Variants in ERC2 observed in about 807,000 individuals in gnomAD.
ERC2 encodes ERC protein 2.
ERC2 carries 42 observed loss-of-function variants against 114.8 expected under a neutral mutation model. The ratio of observed to expected loss-of-function variants is 0.37; its 90% CI spans 0.29 to 0.47. ERC2 has a LOEUF of 0.47. Among genes scored for constraint, ERC2 ranks in the 20% least tolerant of loss-of-function variants. The probability of loss-of-function intolerance (pLI) is 0.99; values close to 1 mark genes in which losing one functional copy is unlikely to be tolerated. For missense variants in ERC2, 939 were observed against 1,150.7 expected, an observed-to-expected ratio of 0.82 and a Z score of 2.66; for synonymous variants, 454 against 425.5, an observed-to-expected ratio of 1.07 and a Z score of -0.82.
intron 3 of ERC2, among the ~76,000 whole-genome samples, chr3:56,175,927 G>GT (rs544033646): frequency 7.3e-5 from 11 of 150,556 alleles, no homozygotes; most frequent in African/African-American, 2.7e-4. Context: ...CAATGTGATG[G>GT]TTTTTTTCCA....
intron 17 of ERC2, among the ~76,000 whole-genome samples, chr3:55,640,084 A>G (rs2060114152): frequency 6.6e-6 from 1 of 152,154 alleles, no homozygotes; most frequent in Non-Finnish European, 1.5e-5. Context: ...GCCACAATTC[A>G]CACGTCCTGT....
chr3:56,020,753 C>G (rs952251271), intron 7 of ERC2, among the ~76,000 whole-genome samples: 2 of 152,172 alleles, frequency 1.3e-5, no homozygotes, highest in South Asian at 2.1e-4. Flanking sequence ...CCCTGGCAGA[C>G]AGTGCCCTGG....
intron 3 of ERC2, among the ~76,000 whole-genome samples, chr3:56,205,129 A>C (rs1300748977): frequency 6.6e-6 from 1 of 152,152 alleles, no homozygotes; most frequent in Non-Finnish European, 1.5e-5. Context: ...AAGCAGACCC[A>C]GTCCTTACTA....
intron 14 of ERC2, among the ~76,000 whole-genome samples, chr3:55,814,454 G>A (rs2059834803): frequency 6.6e-6 from 1 of 152,198 alleles, no homozygotes; most frequent in South Asian, 2.1e-4. Context: ...TTGCTCTGCT[G>A]TACTGCATTT....
At position 56,285,161 on chromosome 3, in the gene ERC2, G is replaced by C. The variant is rs971128502; in HGVS notation, c.1074+10858C>G. On this transcript the variant is annotated intron_variant, in intron 3 of 17. Transcript: ENST00000288221. ...GTTAAATCCCCTGGAGTCAGACTCC[G>C]GGTGAAGAAGTCTCCTGATCTGGGC... Among the ~76,000 whole-genome samples, 3 of 146,610 alleles carry C rather than the reference G, an allele frequency of 2.0e-5. No individual in the cohort carries two copies. The Admixed American group carries it at 2.1e-4, about 10-fold the overall frequency.
At chr3:55,816,833 T>C (rs1269002650) in intron 14 of ERC2, among the ~76,000 whole-genome samples, 4 of 152,058 alleles carry the variant, frequency 2.6e-5, no homozygotes, top group Admixed American at 1.3e-4. Context: ...TCCTGTAGGT[T>C]GCTATGGACA....
chr3:56,159,290 A>T (rs2081926488), intron 4 of ERC2, among the ~76,000 whole-genome samples: 1 of 152,156 alleles, frequency 6.6e-6, no homozygotes, highest in Non-Finnish European at 1.5e-5. Context: ...TTGGTATTTC[A>T]TTATAGAAAT....
intron 17 of ERC2, among the ~76,000 whole-genome samples, chr3:55,547,611 C>T (rs940297247): frequency 2.6e-5 from 4 of 152,108 alleles, no homozygotes; most frequent in African/African-American, 4.8e-5. Context: ...AACCCCCAGC[C>T]GTAGGAGAGC....
intron 3 of ERC2, among the ~76,000 whole-genome samples, chr3:56,233,049 T>C (rs1326011182): frequency 2.0e-5 from 3 of 152,194 alleles, no homozygotes; most frequent in Non-Finnish European, 2.9e-5. Context: ...TACTTGTTTA[T>C]CTGGTTGTTT....
chr3:56,079,478 A>G (rs1344384742), intron 7 of ERC2, among the ~76,000 whole-genome samples: 1 of 152,170 alleles, frequency 6.6e-6, no homozygotes, highest in East Asian at 1.9e-4. Flanking sequence ...TGACTGATGT[A>G]GTCTGAGCAA....
intron 14 of ERC2, among the ~76,000 whole-genome samples, chr3:55,737,050 G>T (rs756235835): frequency 6.6e-6 from 1 of 152,086 alleles, no homozygotes; most frequent in African/African-American, 2.4e-5. Flanking sequence ...CGCACACAAG[G>T]CCCAGGACTA....
At chr3:55,551,015 C>CA (rs368001324) in intron 17 of ERC2, among the ~76,000 whole-genome samples, 8,487 of 76,382 alleles carry the variant, frequency 0.11, 331 homozygotes, top group Middle Eastern at 0.17. Flanking sequence ...GACTCCGTCT[C>CA]AAAAAAAAAA....
chr3:55,779,965 A>T (rs958869012), intron 14 of ERC2, among the ~76,000 whole-genome samples: 35 of 152,310 alleles, frequency 2.3e-4, no homozygotes, highest in African/African-American at 8.4e-4. Context: ...TTTAGAAGAA[A>T]ATGTTCATGA....
intron 2 of ERC2, among the ~76,000 whole-genome samples, chr3:56,303,081 G>C (rs1040637265): frequency 6.6e-6 from 1 of 152,186 alleles, no homozygotes; most frequent in Non-Finnish European, 1.5e-5. Context: ...CCAGTTGTCT[G>C]CAAAGATTCA....
chr3:55,655,841 G>A lies in ERC2; in HGVS notation c.*39+27953C>T, dbSNP rs145808298. On this transcript the variant is annotated intron_variant, in intron 17 of 17. Transcript: ENST00000288221. Reference sequence around the variant, plus strand: ...GAAGAGAGCCACTAACAGCTAATGAGTGCAACCACGTCAGGTGCCCTGCTA... The same window carrying A: ...GAAGAGAGCCACTAACAGCTAATGAATGCAACCACGTCAGGTGCCCTGCTA... Among the ~76,000 whole-genome samples, 757 of 152,344 alleles carry A rather than the reference G, an allele frequency of 5.0e-3. 5 individuals carry two copies. Among genetic ancestry groups the A allele is most frequent in the African/African-American group, 0.018 (737 of 41,572 alleles).
At chr3:55,527,317 T>TG (rs897720516) in intron 17 of ERC2, among the ~76,000 whole-genome samples, 2 of 152,146 alleles carry the variant, frequency 1.3e-5, no homozygotes, top group African/African-American at 4.8e-5. Flanking sequence ...TAGTGCTTAG[T>TG]GGGGGGCCTC....
chr3:55,737,373 ACAG>A (rs1201955270), intron 14 of ERC2, among the ~76,000 whole-genome samples: 2 of 152,332 alleles, frequency 1.3e-5, no homozygotes, highest in East Asian at 1.9e-4. Context: ...CCTTTGGATA[ACAG>A]CTGAGACAAT....
chr3:56,372,661 G>C (rs563627268), intron 2 of ERC2, among the ~76,000 whole-genome samples: 1 of 152,196 alleles, frequency 6.6e-6, no homozygotes, highest in African/African-American at 2.4e-5. Flanking sequence ...CCAGGAGGTG[G>C]AGGTTGCAGT....
intron 10 of ERC2, among the ~76,000 whole-genome samples, chr3:55,995,444 CT>C (rs2071432378): frequency 6.6e-6 from 1 of 152,174 alleles, no homozygotes; most frequent in African/African-American, 2.4e-5. Context: ...GGCAAAAGAA[CT>C]TATGTCAAGC....
Sources: allele counts gnomAD v4.1 joint callset (sites outside exome capture counted in the v4.1 genomes callset), GRCh38; gene constraint gnomAD v4.1.1; transcripts MANE v1.5; gene names NCBI Gene and HGNC (gene_info 2026-07-23, HGNC 2026-07-21).